USP13: variants seen among roughly 807,000 people sequenced by gnomAD.
USP13 encodes ubiquitin specific peptidase 13.
Under a neutral mutation model 107.8 loss-of-function variants are expected in USP13, and 68 were observed. The ratio of observed to expected loss-of-function variants is 0.63; its 90% CI spans 0.52 to 0.77. The LOEUF (loss-of-function observed/expected upper bound fraction) is 0.77, where lower values mean the gene tolerates loss of function less well. Ranked by LOEUF, USP13 falls within the 30% of genes least tolerant of loss-of-function variation. The probability of loss-of-function intolerance (pLI) is 0.00; values close to 1 mark genes in which losing one functional copy is unlikely to be tolerated. For synonymous variants in USP13, 377 were observed against 389.5 expected, an observed-to-expected ratio of 0.97 and a Z score of 0.38; for missense variants, 945 against 1,093.3, an observed-to-expected ratio of 0.86 and a Z score of 1.91.
Position 179,678,778 on chromosome 3 carries a change from GT to G in USP13, c.169-3097del, listed in dbSNP as rs1711552769. On this transcript the variant is annotated intron_variant, in intron 1 of 20. Coordinates refer to ENST00000263966, the MANE Select transcript of USP13 (RefSeq NM_003940.3). This position sits in a 1 kb window ranked among gnomAD's most constrained non-coding sequence, Gnocchi z 4.2. The stretch of plus-strand genomic sequence containing the variant: ...AGCTTTAAAAATTTCATTTGCAAGT[GT>G]TTGTTGCTAATGTCTGAAACTGCAG... Among the ~76,000 whole-genome samples the G allele has an allele frequency of 6.6e-6, 1 of 152,118 alleles. No individual in the cohort carries two copies. Among genetic ancestry groups the G allele is most frequent in the African/African-American group, 2.4e-5 (1 of 41,430 alleles).
intron 8 of USP13, among the ~76,000 whole-genome samples, chr3:179,728,362 G>T (rs1252968770): frequency 1.4e-4 from 20 of 148,058 alleles, no homozygotes; most frequent in Admixed American, 4.7e-4. Context: ...GGGCAGAGGT[G>T]CTCCCCACAT....
At chr3:179,712,106 T>C (rs192025874) in intron 6 of USP13, among the ~76,000 whole-genome samples, 3 of 152,348 alleles carry the variant, frequency 2.0e-5, no homozygotes, top group African/African-American at 7.2e-5. Context: ...AATGTTGTTA[T>C]TCAGTGAGTG....
At chr3:179,773,992 C>T (rs1190989387) in intron 19 of USP13, among the ~76,000 whole-genome samples, 1 of 151,916 alleles carries the variant, frequency 6.6e-6, no homozygotes, top group African/African-American at 2.4e-5. Context: ...CTGAGAGTGG[C>T]TAATTTATAT....
At chr3:179,775,943 C>T (rs71310393) in intron 19 of USP13, among the ~76,000 whole-genome samples, 15 of 152,276 alleles carry the variant, frequency 9.9e-5, no homozygotes, top group South Asian at 2.1e-4. Context: ...CACAGTGCAG[C>T]GGTGGGCTGA....
chr3:179,749,776 G>T (rs1447903850), intron 13 of USP13, among the ~76,000 whole-genome samples: 1 of 152,000 alleles, frequency 6.6e-6, no homozygotes, highest in Non-Finnish European at 1.5e-5. Flanking sequence ...TTCCACTACC[G>T]CTATTATGGT....
chr3:179,732,629 C>T (rs532337405), intron 10 of USP13, among the ~76,000 whole-genome samples: 7 of 152,150 alleles, frequency 4.6e-5, no homozygotes, highest in South Asian at 2.1e-4. Context: ...CTTGCGTGAC[C>T]GTTTCTGTGC....
intron 19 of USP13, among the ~76,000 whole-genome samples, chr3:179,774,582 C>T (rs1286492804): frequency 2.0e-5 from 3 of 150,110 alleles, no homozygotes; most frequent in Non-Finnish European, 4.4e-5. Flanking sequence ...TCTCGCTGGC[C>T]TCAGGAGTGA....
intron 1 of USP13, among the ~76,000 whole-genome samples, chr3:179,674,234 C>T (rs1193480508): frequency 1.3e-5 from 2 of 152,116 alleles, no homozygotes; most frequent in African/African-American, 4.8e-5. Context: ...GCAGCCACAG[C>T]CAAGTGTGTG....
At chr3:179,761,331 G>A in intron 17 of USP13, 76 bp downstream of exon 17, 4 of 1,562,598 alleles carry the variant, frequency 2.6e-6, no homozygotes. Flanking sequence ...TCCTTCCAAG[G>A]TCCCTGTGGA....
At chr3:179,695,339 A>G (rs529218922) in intron 3 of USP13, among the ~76,000 whole-genome samples, 13 of 152,166 alleles carry the variant, frequency 8.5e-5, no homozygotes, top group South Asian at 6.2e-4. Flanking sequence ...CTCAACAGTG[A>G]CATTGAAACC....
chr3:179,770,605 GA>G (rs1384313789), intron 19 of USP13, among the ~76,000 whole-genome samples: 1 of 147,718 alleles, frequency 6.8e-6, no homozygotes, highest in African/African-American at 2.6e-5. Context: ...TATATGACTT[GA>G]GAATTTTTTT....
In USP13 at chr3:179,738,533, G is replaced by A. The variant is rs1714071908; in HGVS notation, c.1255-1714G>A. ...CCGAGTGAAGATAAGACTAGTGTCCGCTTTCTAGGGTTACTACAAGTATTA... is the reference window on the plus strand; with the variant it reads ...CCGAGTGAAGATAAGACTAGTGTCCACTTTCTAGGGTTACTACAAGTATTA... On this transcript the variant is annotated intron_variant, in intron 10 of 20. Coordinates refer to ENST00000263966, the MANE Select transcript of USP13 (RefSeq NM_003940.3). 2.6e-5 allele frequency among the ~76,000 whole-genome samples: 4 copies of A among 152,154 alleles called. No homozygotes were observed. In the South Asian group the frequency reaches 6.2e-4, roughly 24 times the overall value.
At chr3:179,679,827 T>C (rs1711586612) in intron 1 of USP13, among the ~76,000 whole-genome samples, 1 of 145,538 alleles carries the variant, frequency 6.9e-6, no homozygotes, top group Non-Finnish European at 1.5e-5. Flanking sequence ...TTTTTGATAC[T>C]GTTAAGTAGA....
chr3:179,723,699 GA>G (rs1576953355), intron 8 of USP13, among the ~76,000 whole-genome samples: 1 of 152,020 alleles, frequency 6.6e-6, no homozygotes, highest in East Asian at 1.9e-4. Flanking sequence ...AGATATATGA[GA>G]ACATGAGCAA....
At chr3:179,766,524 A>G (rs912830080) in intron 19 of USP13, among the ~76,000 whole-genome samples, 1 of 152,198 alleles carries the variant, frequency 6.6e-6, no homozygotes, top group Non-Finnish European at 1.5e-5. Context: ...CCTTGATCAT[A>G]TCGTTACCCG....
intron 13 of USP13, among the ~76,000 whole-genome samples, chr3:179,750,677 C>G (rs893019508): frequency 1.3e-5 from 2 of 152,202 alleles, no homozygotes; most frequent in African/African-American, 4.8e-5. Context: ...GCTTTTACCT[C>G]TTTCATGACA....
rs1720395259 is a variant in USP13 at position 179,659,536 on chromosome 3, C to CT, written c.168+6145dup. 3.3e-5 allele frequency among the ~76,000 whole-genome samples: 5 copies of CT among 152,134 alleles called. No homozygotes were observed. In the South Asian group the frequency reaches 8.3e-4, roughly 25 times the overall value. ...AAGTTTGAGACCGAGTGATAGGGCA[C>CT]TTACTAGGTGCCATGCATCATTCCA... On this transcript the variant is annotated intron_variant, in intron 1 of 20. Coordinates refer to ENST00000263966, the MANE Select transcript of USP13 (RefSeq NM_003940.3).
intron 19 of USP13, among the ~76,000 whole-genome samples, chr3:179,774,704 A>C (rs888402733): frequency 6.6e-6 from 1 of 152,166 alleles, no homozygotes; most frequent in Non-Finnish European, 1.5e-5. Flanking sequence ...CACAGTTTGG[A>C]AGGGGACCCA....
rs2108563516 is a variant in USP13 at position 179,787,188 on chromosome 3, AGTCCAGC to A, written c.*3049_*3055del. 6.6e-6 allele frequency: 1 copy of A among 152,330 alleles called. No homozygotes were observed. The highest frequency in any genetic ancestry group is 2.4e-5 in the African/African-American group (1 of 41,564). 9.4% of individuals were successfully genotyped at this position (152,330 alleles called of 1,614,324 possible). The stretch of plus-strand genomic sequence containing the variant: ...CCAGTGCTTACTTTGGGCTATAGGA[AGTCCAGC>A]GGGGATAGCTCGAGCCTCTTGCTCC... On this transcript the variant is annotated 3_prime_UTR_variant, in exon 21 of 21. Coordinates refer to ENST00000263966, the MANE Select transcript of USP13 (RefSeq NM_003940.3).
Sources: gnomAD v4.1 joint callset for allele counts (sites outside exome capture counted in the v4.1 genomes callset) on GRCh38, gnomAD v4.1.1 for gene constraint, Gnocchi (gnomAD v3.1) non-coding constraint, MANE v1.5 for transcripts, NCBI Gene and HGNC (gene_info 2026-07-23, HGNC 2026-07-21) for gene names.